Variants in SLC4A4 observed in about 807,000 individuals in gnomAD.
The protein encoded by SLC4A4 is electrogenic sodium bicarbonate cotransporter 1.
SLC4A4 carries 27 observed loss-of-function variants against 111.5 expected under a neutral mutation model. That is an observed-to-expected ratio of 0.24 (90% CI 0.18 to 0.33). The LOEUF (loss-of-function observed/expected upper bound fraction) is 0.33. Ranked by LOEUF, SLC4A4 falls within the 10% of genes least tolerant of loss-of-function variation. The pLI is 1.00. For synonymous variants in SLC4A4, 443 were observed against 463.4 expected, an observed-to-expected ratio of 0.96 and a Z score of 0.57; for missense variants, 909 against 1,315.5, an observed-to-expected ratio of 0.69 and a Z score of 4.78.
intron 2 of SLC4A4, among the ~76,000 whole-genome samples, chr4:71,174,726 T>C (rs1272021037): frequency 1.3e-5 from 2 of 152,246 alleles, no homozygotes; most frequent in African/African-American, 4.8e-5. Context: ...GCTTTTATAA[T>C]GAAAAAAGCA....
intron 12 of SLC4A4, among the ~76,000 whole-genome samples, chr4:71,455,898 G>T (rs1439606928): frequency 1.3e-5 from 2 of 152,088 alleles, no homozygotes; most frequent in East Asian, 3.9e-4. Flanking sequence ...GGAAAGTAGA[G>T]CACTCTATTA....
At chr4:71,224,866 C>T (rs1718957161) in intron 1 of SLC4A4, among the ~76,000 whole-genome samples, 1 of 152,128 alleles carries the variant, frequency 6.6e-6, no homozygotes, top group Non-Finnish European at 1.5e-5. Context: ...AGTCTGCATG[C>T]CTGGTCTTCT....
At chr4:71,277,667 T>G (rs1191919442) in intron 3 of SLC4A4, among the ~76,000 whole-genome samples, 1 of 151,582 alleles carries the variant, frequency 6.6e-6, no homozygotes, top group Non-Finnish European at 1.5e-5. Context: ...TTTCTCTGTT[T>G]TTCTTTCTCT....
intron 3 of SLC4A4, among the ~76,000 whole-genome samples, chr4:71,259,223 C>T (rs1468635941): frequency 1.3e-5 from 2 of 152,284 alleles, no homozygotes; most frequent in East Asian, 3.9e-4. Context: ...GCATAATTAA[C>T]AGGTTCATTT....
chr4:71,475,924 C>T (rs1481069612), intron 14 of SLC4A4, among the ~76,000 whole-genome samples: 1 of 151,762 alleles, frequency 6.6e-6, no homozygotes, highest in African/African-American at 2.4e-5. Flanking sequence ...ATAGAATAAA[C>T]AGACCTATCT....
At chr4:71,545,303 C>T (rs150729794) in intron 18 of SLC4A4, among the ~76,000 whole-genome samples, 62 of 152,006 alleles carry the variant, frequency 4.1e-4, no homozygotes, top group African/African-American at 1.4e-3. Flanking sequence ...AGTGTTGTGA[C>T]GAACTGTAAC....
intron 1 of SLC4A4, among the ~76,000 whole-genome samples, chr4:71,086,032 A>G (rs1742157188): frequency 1.3e-5 from 2 of 152,030 alleles, no homozygotes; most frequent in Non-Finnish European, 2.9e-5. Context: ...CTTCCTACCC[A>G]TGAGCATAGA....
chr4:71,283,653 A>C (rs1723699964), intron 3 of SLC4A4, among the ~76,000 whole-genome samples: 1 of 152,208 alleles, frequency 6.6e-6, no homozygotes, highest in South Asian at 2.1e-4. Context: ...ATTGCACTAG[A>C]TCATCAGATT....
intron 1 of SLC4A4, among the ~76,000 whole-genome samples, chr4:71,087,535 G>A (rs1742219471): frequency 6.6e-6 from 1 of 151,856 alleles, no homozygotes; most frequent in Non-Finnish European, 1.5e-5. Context: ...TTCTCTAGTG[G>A]GCATTTAGTG....
chr4:71,207,149 C>G (rs1717821462), intron 1 of SLC4A4, among the ~76,000 whole-genome samples: 1 of 152,106 alleles, frequency 6.6e-6, no homozygotes. Context: ...TGAAGTGATG[C>G]CTGCTCATAA....
intron 2 of SLC4A4, among the ~76,000 whole-genome samples, chr4:71,107,644 C>A (rs934774725): frequency 6.6e-6 from 1 of 152,082 alleles, no homozygotes; most frequent in Non-Finnish European, 1.5e-5. Context: ...ACACTGCACC[C>A]GGCTGTTTAG....
chr4:71,284,727 G>A (rs1189667230), intron 3 of SLC4A4, among the ~76,000 whole-genome samples: 2 of 152,172 alleles, frequency 1.3e-5, no homozygotes, highest in African/African-American at 4.8e-5. Context: ...CAAGGATGAT[G>A]AACTCACCTG....
intron 1 of SLC4A4, among the ~76,000 whole-genome samples, chr4:71,191,262 GA>G (rs1745720768): frequency 6.6e-6 from 1 of 152,190 alleles, no homozygotes; most frequent in South Asian, 2.1e-4. Flanking sequence ...CTCTGTACTG[GA>G]AAAAGATAGT....
intron 1 of SLC4A4, among the ~76,000 whole-genome samples, chr4:71,200,495 CAT>C (rs1266313775): frequency 1.3e-5 from 2 of 152,156 alleles, no homozygotes; most frequent in East Asian, 1.9e-4. Flanking sequence ...GGTCTGGAGA[CAT>C]GTGAAGTTAT....
At chr4:71,178,576 C>A (rs1278359153) in intron 2 of SLC4A4, among the ~76,000 whole-genome samples, 1 of 152,208 alleles carries the variant, frequency 6.6e-6, no homozygotes, top group Non-Finnish European at 1.5e-5. Flanking sequence ...ACTATAAACA[C>A]CTTTACGCAA....
chr4:71,215,091 C>CT (rs1478511454), intron 1 of SLC4A4, among the ~76,000 whole-genome samples: 2 of 152,312 alleles, frequency 1.3e-5, no homozygotes, highest in African/African-American at 4.8e-5. Flanking sequence ...GTGTGTAACT[C>CT]TTTGAGTATC....
chr4:71,276,724 T>A (rs1723098939), intron 3 of SLC4A4, among the ~76,000 whole-genome samples: 1 of 152,138 alleles, frequency 6.6e-6, no homozygotes, highest in Non-Finnish European at 1.5e-5. Flanking sequence ...TTAAGAGGCA[T>A]CTTGGTTGTT....
intron 6 of SLC4A4, among the ~76,000 whole-genome samples, chr4:71,386,516 C>T (rs1270461293): frequency 2.6e-5 from 4 of 151,928 alleles, no homozygotes; most frequent in Admixed American, 2.6e-4. Flanking sequence ...GGCTCTTTGC[C>T]CCTTCTTCCC....
intron 7 of SLC4A4, among the ~76,000 whole-genome samples, chr4:71,431,086 A>G (rs1177888174): frequency 6.6e-6 from 1 of 152,132 alleles, no homozygotes; most frequent in East Asian, 1.9e-4. Context: ...TCAGCCCCTC[A>G]GGCACTTTTC....
Sources: gnomAD v4.1 joint callset for allele counts (sites outside exome capture counted in the v4.1 genomes callset) on GRCh38, gnomAD v4.1.1 for gene constraint, MANE v1.5 for transcripts, NCBI Gene and HGNC (gene_info 2026-07-23, HGNC 2026-07-21) for gene names.